The following LARP4B variants were observed in gnomAD, a reference collection of about 807,000 sequenced individuals.
LARP4B encodes la-related protein 4B.
LARP4B carries 12 observed loss-of-function variants against 89.8 expected under a neutral mutation model. The ratio of observed to expected loss-of-function variants is 0.13; its 90% CI spans 0.09 to 0.22. LARP4B has a LOEUF of 0.22. Ranked by LOEUF, LARP4B falls within the 10% of genes least tolerant of loss-of-function variation. The pLI is 1.00. For synonymous variants in LARP4B, 367 were observed against 363.3 expected (o/e 1.01, Z -0.12); for missense variants, 757 against 947.7 (o/e 0.80, Z 2.64).
intron 1 of LARP4B, among the ~76,000 whole-genome samples, chr10:907,032 A>G (rs1273651646): frequency 6.6e-6 from 1 of 152,174 alleles, no homozygotes; most frequent in Non-Finnish European, 1.5e-5. Context: ...AACCACAGCT[A>G]CTGAGATGCT....
chr10:936,493 G>C (rs1830749020), upstream of LARP4B, among the ~76,000 whole-genome samples: 1 of 152,156 alleles, frequency 6.6e-6, no homozygotes, highest in African/African-American at 2.4e-5. Flanking sequence ...GCCGAGGCGG[G>C]TGTATCATCT....
intron 3 of LARP4B, among the ~76,000 whole-genome samples, chr10:875,114 G>A (rs141052009): frequency 1.3e-5 from 2 of 152,196 alleles, no homozygotes; most frequent in Admixed American, 1.3e-4. Context: ...TGGCAAAAAC[G>A]TTCTGCACTA....
At chr10:864,846 G>T (rs574199172) in intron 3 of LARP4B, among the ~76,000 whole-genome samples, 1 of 152,098 alleles carries the variant, frequency 6.6e-6, no homozygotes, top group Admixed American at 6.5e-5. Flanking sequence ...CCAGCTACTC[G>T]AGAGGCTGAG....
chr10:834,894 T>C (rs1378791331), intron 8 of LARP4B, among the ~76,000 whole-genome samples: 1 of 152,004 alleles, frequency 6.6e-6, no homozygotes, highest in Non-Finnish European at 1.5e-5. Context: ...CTCACACCTG[T>C]AATCCCAGCA....
chr10:958,196 C>T, the LARP4B span, among the ~76,000 whole-genome samples: 1 of 152,180 alleles, frequency 6.6e-6, no homozygotes, highest in Non-Finnish European at 1.5e-5. Context: ...CCCCGCAGCC[C>T]TTGGGCTGAA....
At chr10:849,991 T>G (rs1833961502) in intron 5 of LARP4B, among the ~76,000 whole-genome samples, 1 of 152,220 alleles carries the variant, frequency 6.6e-6, no homozygotes, top group Admixed American at 6.5e-5. Context: ...AATGTGGTTC[T>G]CAGCTGAGAT....
chr10:847,662 G>A (rs1028144461), intron 5 of LARP4B, among the ~76,000 whole-genome samples: 6 of 152,244 alleles, frequency 3.9e-5, no homozygotes, highest in African/African-American at 1.2e-4. Context: ...GAGTAGCGGG[G>A]ATTACAGGCG....
the LARP4B span, among the ~76,000 whole-genome samples, chr10:949,340 G>A: frequency 6.7e-6 from 1 of 149,750 alleles, no homozygotes; most frequent in African/African-American, 2.5e-5. Flanking sequence ...TCTCCAACCC[G>A]TTTTCCAGGC....
chr10:828,024 C>A (rs1300223872), intron 11 of LARP4B, among the ~76,000 whole-genome samples: 1 of 152,172 alleles, frequency 6.6e-6, no homozygotes, highest in Admixed American at 6.5e-5. Context: ...CCTGTCCCCA[C>A]CTGCCCTTCA....
intron 1 of LARP4B, among the ~76,000 whole-genome samples, chr10:928,193 G>A (rs1181795029): frequency 3.3e-5 from 5 of 150,756 alleles, no homozygotes; most frequent in Non-Finnish European, 7.4e-5. Context: ...TTGCACTCCA[G>A]CTTGGGCGAC....
At chr10:946,651 C>A in the LARP4B span, among the ~76,000 whole-genome samples, 1 of 152,176 alleles carries the variant, frequency 6.6e-6, no homozygotes, top group Non-Finnish European at 1.5e-5. Context: ...AGTTATTTAA[C>A]CTCCTTGGGG....
intron 1 of LARP4B, among the ~76,000 whole-genome samples, chr10:901,074 C>G (rs1236328333): frequency 6.6e-6 from 1 of 151,792 alleles, no homozygotes; most frequent in Admixed American, 6.6e-5. Flanking sequence ...CACCTGCCAC[C>G]ACGCCCGGCT....
intron 1 of LARP4B, among the ~76,000 whole-genome samples, chr10:888,806 G>A (rs1455745511): frequency 1.3e-5 from 2 of 152,224 alleles, no homozygotes; most frequent in African/African-American, 4.8e-5. Flanking sequence ...GAATATTACG[G>A]CAGGGCGCAG....
chr10:857,497 G>A (rs370706197), intron 5 of LARP4B, among the ~76,000 whole-genome samples: 11 of 152,192 alleles, frequency 7.2e-5, no homozygotes, highest in African/African-American at 2.4e-4. Flanking sequence ...CTTGTTTTAT[G>A]TCCTTGAGAG....
the LARP4B span, among the ~76,000 whole-genome samples, chr10:985,030 G>A: frequency 2.0e-5 from 3 of 152,304 alleles, no homozygotes; most frequent in Non-Finnish European, 4.4e-5. Context: ...AAGGAGAGTG[G>A]CTTTGGAGTT....
Position 923,065 on chromosome 10 carries a change from C to T in LARP4B, c.-40+8363G>A, listed in dbSNP as rs373774119. ...ACTCCAGCCTGGGAAACAGGTGAGA[C>T]TCCACCTCAAAAAAAAAAACAAATC... On this transcript the variant is annotated intron_variant, in intron 1 of 17. Coordinates refer to ENST00000316157, the MANE Select transcript of LARP4B (RefSeq NM_015155.3). Among the ~76,000 whole-genome samples, 39 of 151,498 alleles carry T rather than the reference C, an allele frequency of 2.6e-4. No homozygotes were observed. The South Asian group carries it at 7.7e-3, about 30-fold the overall frequency.
chr10:855,413 G>A (rs1036096894), intron 5 of LARP4B, among the ~76,000 whole-genome samples: 1 of 152,092 alleles, frequency 6.6e-6, no homozygotes, highest in East Asian at 1.9e-4. Context: ...CCTCAGAAGA[G>A]GGAATGTAGG....
At chr10:844,854 T>C (rs1833697567) in intron 6 of LARP4B, 123 bp downstream of exon 6, 1 of 614,682 alleles carries the variant, frequency 1.6e-6, no homozygotes. Flanking sequence ...ATTCCACGTC[T>C]TCATATACAT....
rs376208537 is a variant in LARP4B at position 813,005 on chromosome 10, G to A, written c.2138C>T (p.Ala713Val). 8.8e-6 allele frequency: 14 copies of A among 1,592,742 alleles called. No individual in the cohort carries two copies. The highest frequency in any genetic ancestry group is 1.9e-4 in the Middle Eastern group (1 of 5,190). ...GGCCGAGGGCGAGGGCCGGCCCCCC[G>A]CCGGCCGCCTCTGGTCTCTGGGGGC... The part of the protein sequence containing the change: ...PGAPRDQRRP[A>V]GGRPSPSAMG... Residue 713 changes from alanine to valine, a missense_variant, in exon 18 of 18, where the codon GCG becomes GTG. Coordinates refer to ENST00000316157, the MANE Select transcript of LARP4B (RefSeq NM_015155.3).
Sources: gnomAD v4.1 joint callset for allele counts (sites outside exome capture counted in the v4.1 genomes callset) on GRCh38, gnomAD v4.1.1 for gene constraint, MANE v1.5 for transcripts, NCBI Gene and HGNC (gene_info 2026-07-23, HGNC 2026-07-21) for gene names.